The following B4GALT6 variants were observed in gnomAD, a reference collection of about 807,000 sequenced individuals.
The protein encoded by B4GALT6 is beta-1,4-galactosyltransferase 6.
In B4GALT6, 14 loss-of-function variants were observed where a neutral mutation model predicts 46.3. The ratio of observed to expected loss-of-function variants is 0.30; its 90% confidence interval spans 0.20 to 0.47. B4GALT6 has a LOEUF of 0.47. Among genes scored for constraint, B4GALT6 ranks in the 20% least tolerant of loss-of-function variants. The pLI is 0.99. For missense variants in B4GALT6, 386 were observed against 480.1 expected, an observed-to-expected ratio of 0.80 and a Z score of 1.83; for synonymous variants, 168 against 162.0, an observed-to-expected ratio of 1.04 and a Z score of -0.28.
At chr18:31,646,661 G>A (rs2073994398) in intron 3 of B4GALT6, among the ~76,000 whole-genome samples, 3 of 152,094 alleles carry the variant, frequency 2.0e-5, no homozygotes, top group African/African-American at 7.2e-5. Context: ...TGAGTTTCAT[G>A]TGGCCACAAT....
At chr18:31,698,760 A>C in the B4GALT6 span, among the ~76,000 whole-genome samples, 63 of 152,280 alleles carry the variant, frequency 4.1e-4, no homozygotes, top group African/African-American at 1.5e-3. Flanking sequence ...AAGCAAAAAA[A>C]GGTCAGCTCA....
chr18:31,666,135 ACG>A (rs2074279618), intron 2 of B4GALT6, 119 bp downstream of exon 2: 1 of 543,646 alleles, frequency 1.8e-6, no homozygotes, highest in Non-Finnish European at 3.3e-6. Flanking sequence ...ATCTACCAGG[ACG>A]CTTAGGGGAA....
chr18:31,686,276 G>C (rs1473473946), upstream of B4GALT6: 1 of 152,154 alleles, frequency 6.6e-6, no homozygotes, highest in Non-Finnish European at 1.5e-5. Flanking sequence ...ATCGGGATGC[G>C]CATGCCATAG....
intron 3 of B4GALT6, among the ~76,000 whole-genome samples, chr18:31,651,937 A>AT (rs903935794): frequency 6.6e-5 from 10 of 151,756 alleles, no homozygotes; most frequent in African/African-American, 2.2e-4. Context: ...CGCCCAGCTA[A>AT]TTTTTTTTAT....
intron 1 of B4GALT6, among the ~76,000 whole-genome samples, chr18:31,675,942 T>C (rs2074409472): frequency 6.6e-6 from 1 of 152,156 alleles, no homozygotes; most frequent in Non-Finnish European, 1.5e-5. Flanking sequence ...CCTTTCAGAA[T>C]TCCAACTTAG....
At chr18:31,647,354 T>C (rs1305352365) in intron 3 of B4GALT6, among the ~76,000 whole-genome samples, 2 of 152,158 alleles carry the variant, frequency 1.3e-5, no homozygotes, top group Non-Finnish European at 2.9e-5. Flanking sequence ...CTCCAACGCA[T>C]ATGTGCTGGC....
intron 4 of B4GALT6, among the ~76,000 whole-genome samples, chr18:31,639,255 GA>G (rs1346351853): frequency 6.6e-6 from 1 of 152,188 alleles, no homozygotes; most frequent in Non-Finnish European, 1.5e-5. Context: ...AATTGGGCAT[GA>G]AAAGTAAGGG....
intron 4 of B4GALT6, among the ~76,000 whole-genome samples, chr18:31,641,445 A>G (rs928042409): frequency 2.0e-5 from 3 of 152,264 alleles, no homozygotes; most frequent in Non-Finnish European, 4.4e-5. Flanking sequence ...TTTTATTAAA[A>G]TAAAGCTAAA....
the B4GALT6 span, among the ~76,000 whole-genome samples, chr18:31,698,122 C>T: frequency 6.6e-6 from 1 of 152,134 alleles, no homozygotes; most frequent in African/African-American, 2.4e-5. Context: ...TGTCTTTTGC[C>T]TTCTCTTTTA....
At chr18:31,722,661 G>A in the B4GALT6 span, among the ~76,000 whole-genome samples, 3 of 152,172 alleles carry the variant, frequency 2.0e-5, no homozygotes, top group African/African-American at 7.2e-5. Context: ...GGTGCTCACA[G>A]GATGGTTTTC....
chr18:31,657,992 T>C lies in B4GALT6; in HGVS notation c.330A>G (p.Glu110=), dbSNP rs141770767. ...ACGACTTACGCATATAAGGCAGCTT[T>C]TCTGGACAGGGGAGGTATGGTGAGT... ...FTYSPYLPCP[E]KLPYMRGFLN... is the part of the protein sequence containing the mutation. Residue 110 remains glutamate (E), a synonymous_variant, in exon 3 of 9, where the codon GAA becomes GAG. Coordinates refer to ENST00000306851, the MANE Select transcript of B4GALT6 (RefSeq NM_004775.5). 2 of 1,613,222 alleles carry C rather than the reference T, an allele frequency of 1.2e-6. No homozygotes were observed. Among genetic ancestry groups the C allele is most frequent in the African/African-American group, 1.3e-5 (1 of 74,852 alleles).
chr18:31,723,352 A>G, the B4GALT6 span, among the ~76,000 whole-genome samples: 518 of 152,300 alleles, frequency 3.4e-3, 2 homozygotes, highest in Non-Finnish European at 5.3e-3. Flanking sequence ...AAGAATGGCT[A>G]TGGGGGAAGT....
At chr18:31,689,911 A>T (rs1314424854), upstream of B4GALT6, among the ~76,000 whole-genome samples, 1 of 152,158 alleles carries the variant, frequency 6.6e-6, no homozygotes, top group Non-Finnish European at 1.5e-5. Context: ...GAAAGTTCGT[A>T]AACTTGGCTA....
the B4GALT6 span, among the ~76,000 whole-genome samples, chr18:31,699,030 GCAGCCTGGGTGACAGAGC>G: frequency 1.9e-4 from 28 of 150,716 alleles, no homozygotes; most frequent in African/African-American, 6.1e-4. Context: ...TGGCACCACT[GCAGCCTGGGTGACAGAGC>G]CAGCCTGGGT....
At chr18:31,695,565 C>G in the B4GALT6 span, among the ~76,000 whole-genome samples, 1 of 152,138 alleles carries the variant, frequency 6.6e-6, no homozygotes, top group Non-Finnish European at 1.5e-5. Flanking sequence ...TTTCAACCAA[C>G]AATGCATAGA....
chr18:31,692,509 G>A, the B4GALT6 span, among the ~76,000 whole-genome samples: 14,427 of 152,134 alleles, frequency 0.095, 910 homozygotes, highest in Middle Eastern at 0.15. Context: ...CTTTTATAGA[G>A]GCTAGGAAGC....
chr18:31,659,942 T>G (rs2074191760), intron 2 of B4GALT6, among the ~76,000 whole-genome samples: 1 of 149,850 alleles, frequency 6.7e-6, no homozygotes, highest in Non-Finnish European at 1.5e-5. Context: ...AAGTTCTGAT[T>G]CTTTTCCTTT....
At chr18:31,684,802 G>A (rs1417515898), upstream of B4GALT6, 69 of 1,027,664 alleles carry the variant, frequency 6.7e-5, no homozygotes, top group Non-Finnish European at 7.8e-5. Flanking sequence ...CGCAGGCTGC[G>A]CGCCGCGGCG....
At chr18:31,691,131 T>C in the B4GALT6 span, among the ~76,000 whole-genome samples, 2 of 152,056 alleles carry the variant, frequency 1.3e-5, no homozygotes, top group Non-Finnish European at 2.9e-5. Flanking sequence ...TCTACACATG[T>C]ATCCCAGAAC....
Sources: gnomAD v4.1 joint callset for allele counts (sites outside exome capture counted in the v4.1 genomes callset) on GRCh38, gnomAD v4.1.1 for gene constraint, MANE v1.5 for transcripts, NCBI Gene and HGNC (gene_info 2026-07-23, HGNC 2026-07-21) for gene names.